Variants in C14orf93 observed in about 807,000 individuals in gnomAD.
C14orf93 encodes the protein uncharacterized protein C14orf93.
A neutral mutation model predicts 44.0 loss-of-function variants in C14orf93; 23 were observed. The observed-to-expected ratio is 0.52, with a 90% CI of 0.38 to 0.74. The LOEUF is 0.74. Among genes scored for constraint, C14orf93 ranks in the 30% least tolerant of loss-of-function variants. The probability of loss-of-function intolerance (pLI) is 0.00; values close to 1 mark genes in which losing one functional copy is unlikely to be tolerated. For missense variants in C14orf93, 579 were observed against 678.9 expected, an observed-to-expected ratio of 0.85 and a Z score of 1.64; for synonymous variants, 253 against 265.7, an observed-to-expected ratio of 0.95 and a Z score of 0.46.
intron 1 of C14orf93, among the ~76,000 whole-genome samples, chr14:23,001,336 C>T (rs1464522697): frequency 6.6e-6 from 1 of 152,250 alleles, no homozygotes; most frequent in East Asian, 1.9e-4. Context: ...CCGGCTGGGA[C>T]ACTGGCTGAG....
At chr14:22,992,325 G>T (rs1432074447) in intron 3 of C14orf93, among the ~76,000 whole-genome samples, 1 of 151,778 alleles carries the variant, frequency 6.6e-6, no homozygotes, top group Non-Finnish European at 1.5e-5. Context: ...AATTAGCCAG[G>T]CGTGGTGGCG....
At chr14:23,002,103 C>G (rs1047900254) in intron 1 of C14orf93, among the ~76,000 whole-genome samples, 9 of 147,568 alleles carry the variant, frequency 6.1e-5, no homozygotes, top group African/African-American at 1.3e-4. Flanking sequence ...GAGCCGAGAT[C>G]GCACCACTGC....
rs1055828739 is a variant in C14orf93 at position 22,996,971 on chromosome 14, A to ACACACG, written c.598-709_598-704dup. On this transcript the variant is annotated intron_variant, in intron 2 of 6. Coordinates refer to ENST00000299088, the MANE Select transcript of C14orf93 (RefSeq NM_021944.4). The surrounding 1 kb of genome is among the most constrained non-coding windows in gnomAD (Gnocchi z 4.1). ...AAAACAAAATACTGAAAGTGGGGAC[A>ACACACG]CACACGCACACGCACACACACACAC... 6.2e-5 allele frequency among the ~76,000 whole-genome samples: 7 copies of ACACACG among 113,534 alleles called. No individual in the cohort carries two copies. Among genetic ancestry groups the ACACACG allele is most frequent in the East Asian group, 4.1e-4 (2 of 4,874 alleles). The allele number at this position is 113,534 out of a possible 152,430, so 74.5% of individuals were successfully genotyped here. A position where few individuals can be genotyped will look rare whatever the true frequency, so the allele number is the denominator to read the frequency against.
At chr14:23,007,079 A>C (rs891361406) in intron 1 of C14orf93, 1 of 152,284 alleles carries the variant, frequency 6.6e-6, no homozygotes, top group Non-Finnish European at 1.5e-5. Context: ...GCACGGGCTG[A>C]CTCAGCTAGG....
chr14:23,000,773 G>T (rs1344992121), intron 1 of C14orf93, among the ~76,000 whole-genome samples: 1 of 151,342 alleles, frequency 6.6e-6, no homozygotes, highest in Non-Finnish European at 1.5e-5. Context: ...TATATTGAGG[G>T]TTTTCTTTTT....
intron 1 of C14orf93, chr14:23,006,087 T>A (rs1047957615): frequency 6.6e-6 from 1 of 152,222 alleles, no homozygotes; most frequent in Non-Finnish European, 1.5e-5. Flanking sequence ...ATGCTAGCAA[T>A]AGACTTCCTT....
intron 3 of C14orf93, among the ~76,000 whole-genome samples, chr14:22,995,550 C>T (rs957041610): frequency 6.6e-6 from 1 of 151,686 alleles, no homozygotes; most frequent in Non-Finnish European, 1.5e-5. Context: ...GGTGGTGGCA[C>T]GTGCCTGTAA....
rs1328663719 is a variant in C14orf93, at chr14:22,986,905, T to G, written c.*310A>C. The G allele has an allele frequency of 7.8e-6, 3 of 382,272 alleles. No homozygotes were observed. The highest frequency in any genetic ancestry group is 9.6e-6 in the Non-Finnish European group (2 of 208,520). The allele number at this position is 382,272 out of a possible 1,614,324, so 23.7% of individuals were successfully genotyped here. On this transcript the variant is annotated 3_prime_UTR_variant, in exon 7 of 7. Coordinates refer to ENST00000299088, the MANE Select transcript of C14orf93 (RefSeq NM_021944.4). ...AAACAACTCAGAGACAGGGCATATG[T>G]CAAGAAGGCCTCATGTTTCTTGGAC... is the stretch of plus-strand genomic sequence containing the variant.
intron 3 of C14orf93, among the ~76,000 whole-genome samples, chr14:22,991,654 T>C (rs1243066469): frequency 6.7e-6 from 1 of 149,262 alleles, no homozygotes; most frequent in Non-Finnish European, 1.5e-5. Context: ...CACTGCAACC[T>C]CCACCTCCCG....
At position 22,987,188 on chromosome 14, in the gene C14orf93, AG is replaced by A. The variant is rs758452540; in HGVS notation, c.*26del. 1.0e-4 allele frequency: 163 copies of A among 1,578,152 alleles called. No individual in the cohort carries two copies. The highest frequency in any genetic ancestry group is 1.3e-4 in the Non-Finnish European group (154 of 1,159,076). On this transcript the variant is annotated 3_prime_UTR_variant, in exon 7 of 7. Coordinates refer to ENST00000299088, the MANE Select transcript of C14orf93 (RefSeq NM_021944.4). The surrounding 1 kb of genome is among the most constrained non-coding windows in gnomAD (Gnocchi z 5.6). ...TTTCTGAGACATGGGGCATGGCGGA[AG>A]CCAGAGTTATTCTTGGCTGTAGATT...
At position 22,998,497 on chromosome 14, in the gene C14orf93, G is replaced by T; in HGVS notation, c.527C>A (p.Ala176Glu). 1 of 1,611,746 alleles carries T rather than the reference G, an allele frequency of 6.2e-7. No homozygotes were observed. The highest frequency in any genetic ancestry group is 8.5e-7 in the Non-Finnish European group (1 of 1,179,368). The change falls in exon 2 of 7, where the codon GCA becomes GAA. Residue 176 changes from alanine (A) to glutamate (E), a missense_variant. Physicochemically the swap from Ala to Glu is moderately radical, Grantham distance 107 (BLOSUM62 -1). Coordinates refer to ENST00000299088, the MANE Select transcript of C14orf93 (RefSeq NM_021944.4). ...SVGPGPLGFP[A>E]TQRDMRLPGC... ...TGGGAGCCGCATGTCCCTCTGAGTT[G>T]CTGGGAAGCCCAAAGGCCCAGGCCC... is the stretch of plus-strand genomic sequence containing the variant.
At chr14:22,992,646 C>T (rs1348364396) in intron 3 of C14orf93, among the ~76,000 whole-genome samples, 2 of 151,338 alleles carry the variant, frequency 1.3e-5, no homozygotes, top group Non-Finnish European at 2.9e-5. Context: ...GGCGTGATCT[C>T]GGCTCACTGC....
chr14:22,988,068 C>A, intron 5 of C14orf93, 53 bp from the exon 6 acceptor site: 1 of 1,296,662 alleles, frequency 7.7e-7, no homozygotes. Context: ...GAGTAGTGGT[C>A]CCCAGCCCGT....
At chr14:23,005,304 A>G (rs2046570604) in intron 1 of C14orf93, 1 of 152,146 alleles carries the variant, frequency 6.6e-6, no homozygotes, top group Non-Finnish European at 1.5e-5. Flanking sequence ...GGATGGTACC[A>G]CCACCACCAC....
chr14:22,995,939 C>A lies in C14orf93; in HGVS notation c.918+9G>T. ...TGAAGAAAAATTTATAGAAACTGAGCTCACTCACAGAGAGTACAAGATCCC... is the reference window on the plus strand; with the variant it reads ...TGAAGAAAAATTTATAGAAACTGAGATCACTCACAGAGAGTACAAGATCCC... On this transcript the variant is annotated intron_variant, in intron 3 of 6. Transcript: ENST00000299088. The A allele has an allele frequency of 6.5e-7, 1 of 1,550,062 alleles. No individual in the cohort carries two copies. Among genetic ancestry groups the A allele is most frequent in the South Asian group, 1.2e-5 (1 of 82,566 alleles).
At chr14:23,000,817 G>A (rs1268517825) in intron 1 of C14orf93, 1 of 151,810 alleles carries the variant, frequency 6.6e-6, no homozygotes, top group Non-Finnish European at 1.5e-5. Flanking sequence ...TTCAGAAAGA[G>A]GCAATATCAA....
chr14:22,995,736 T>A (rs1446090580), intron 3 of C14orf93, among the ~76,000 whole-genome samples: 2 of 141,600 alleles, frequency 1.4e-5, no homozygotes, highest in Non-Finnish European at 3.1e-5. Context: ...AAGGAAGATA[T>A]CACATTATCT....
chr14:23,009,652 G>C (rs1287846356), intron 1 of C14orf93, among the ~76,000 whole-genome samples: 1 of 41,292 alleles, frequency 2.4e-5, no homozygotes, highest in Non-Finnish European at 4.5e-5. Flanking sequence ...TTTTGGTTCT[G>C]GGGGGGTGGG....
At chr14:23,006,036 GAT>G (rs368092904) in intron 1 of C14orf93, 63 of 152,292 alleles carry the variant, frequency 4.1e-4, no homozygotes, top group African/African-American at 1.3e-3. Flanking sequence ...TCACTCAGAT[GAT>G]ATATGTTTTT....
Sources: gnomAD v4.1 joint callset for allele counts (sites outside exome capture counted in the v4.1 genomes callset) on GRCh38, gnomAD v4.1.1 for gene constraint, Gnocchi (gnomAD v3.1) non-coding constraint, MANE v1.5 for transcripts, NCBI Gene and HGNC (gene_info 2026-07-23, HGNC 2026-07-21) for gene names.